PIGL: variants seen among roughly 807,000 people sequenced by gnomAD.
PIGL encodes the protein N-acetylglucosaminyl-phosphatidylinositol de-N-acetylase.
In PIGL, 22 loss-of-function variants were observed where a neutral mutation model predicts 31.1. The ratio of observed to expected loss-of-function variants is 0.71; its 90% confidence interval spans 0.51 to 1.01. PIGL has a LOEUF of 1.01. Ranked by LOEUF, PIGL falls within the 50% of genes least tolerant of loss-of-function variation. The probability of loss-of-function intolerance (pLI) is 0.00; values close to 1 mark genes in which losing one functional copy is unlikely to be tolerated. For missense variants in PIGL, 302 were observed against 315.9 expected (o/e 0.96, Z 0.33); for synonymous variants, 131 against 117.4 (o/e 1.12, Z -0.75).
chr17:16,315,532 T>C (rs3785621), intron 4 of PIGL, among the ~76,000 whole-genome samples: 82,237 of 151,452 alleles, frequency 0.54, 22,806 homozygotes, highest in African/African-American at 0.62. Flanking sequence ...GCACAGCTTC[T>C]CCTGTGGCTT....
At chr17:16,248,925 G>T (rs1749728837) in intron 2 of PIGL, among the ~76,000 whole-genome samples, 2 of 152,144 alleles carry the variant, frequency 1.3e-5, no homozygotes, top group South Asian at 4.1e-4. Context: ...AGGGTCCTCA[G>T]CCTGACTTGC....
intron 2 of PIGL, among the ~76,000 whole-genome samples, chr17:16,255,802 G>A (rs1007926790): frequency 1.1e-4 from 16 of 152,230 alleles, no homozygotes; most frequent in Non-Finnish European, 2.2e-4. Flanking sequence ...CACAGTTCCA[G>A]TCCCTGTTGG....
At chr17:16,251,242 A>G (rs1053619174) in intron 2 of PIGL, among the ~76,000 whole-genome samples, 2 of 152,096 alleles carry the variant, frequency 1.3e-5, no homozygotes, top group Non-Finnish European at 2.9e-5. Context: ...CCTGGGCAAC[A>G]TAGTGAGACC....
At chr17:16,290,548 T>C (rs1276176594) in intron 2 of PIGL, among the ~76,000 whole-genome samples, 3 of 151,938 alleles carry the variant, frequency 2.0e-5, no homozygotes, top group Non-Finnish European at 4.4e-5. Flanking sequence ...TGCATGCCAC[T>C]GACCTGGCTA....
chr17:16,285,708 A>AT (rs1170566385), intron 2 of PIGL, among the ~76,000 whole-genome samples: 4 of 152,154 alleles, frequency 2.6e-5, no homozygotes, highest in Non-Finnish European at 4.4e-5. Flanking sequence ...ATACTTAATA[A>AT]AAGTGCACTG....
At chr17:16,253,912 C>G (rs1340384371) in intron 2 of PIGL, among the ~76,000 whole-genome samples, 1 of 151,970 alleles carries the variant, frequency 6.6e-6, no homozygotes, top group East Asian at 1.9e-4. Context: ...CACTGTACTC[C>G]CACTTAGGTG....
At chr17:16,283,204 T>C (rs1457519847) in intron 2 of PIGL, among the ~76,000 whole-genome samples, 1 of 152,084 alleles carries the variant, frequency 6.6e-6, no homozygotes, top group African/African-American at 2.4e-5. Flanking sequence ...GATTTCACCA[T>C]GTTGGCCAGG....
At chr17:16,311,361 C>T (rs1344097067) in intron 3 of PIGL, among the ~76,000 whole-genome samples, 1 of 147,382 alleles carries the variant, frequency 6.8e-6, no homozygotes, top group African/African-American at 2.5e-5. Context: ...GTGTGAAGTA[C>T]AATTATGATT....
chr17:16,252,447 A>T (rs1455985594), intron 2 of PIGL, among the ~76,000 whole-genome samples: 1 of 152,082 alleles, frequency 6.6e-6, no homozygotes, highest in African/African-American at 2.4e-5. Context: ...GATAGATACC[A>T]AACTCTTTAA....
intron 2 of PIGL, among the ~76,000 whole-genome samples, chr17:16,299,013 C>T (rs1349339124): frequency 1.4e-5 from 2 of 147,626 alleles, no homozygotes; most frequent in African/African-American, 5.0e-5. Context: ...GGTGACAGAG[C>T]GAGACTCTGA....
At chr17:16,232,846 G>A (rs573689240) in intron 1 of PIGL, among the ~76,000 whole-genome samples, 14 of 151,944 alleles carry the variant, frequency 9.2e-5, no homozygotes, top group Non-Finnish European at 1.8e-4. Context: ...TTTGCTGGGC[G>A]CAGTGGCTCA....
At chr17:16,224,017 C>T (rs1439959759) in intron 1 of PIGL, among the ~76,000 whole-genome samples, 2 of 152,008 alleles carry the variant, frequency 1.3e-5, no homozygotes, top group Non-Finnish European at 1.5e-5. Flanking sequence ...GAGAGCAGGA[C>T]CATCTTGGCC....
intron 2 of PIGL, among the ~76,000 whole-genome samples, chr17:16,264,206 T>TTTCCC (rs78088594): frequency 2.7e-5 from 4 of 150,854 alleles, no homozygotes; most frequent in African/African-American, 7.3e-5. Context: ...AGAGATGGGG[T>TTTCCC]CATGTTGGCC....
chr17:16,245,977 G>A (rs1278651489), intron 2 of PIGL, among the ~76,000 whole-genome samples: 1 of 148,696 alleles, frequency 6.7e-6, no homozygotes, highest in Non-Finnish European at 1.5e-5. Context: ...CCGCCACCTT[G>A]ACCAGCTATT....
At chr17:16,325,565 G>A (rs1384257922) in intron 6 of PIGL, among the ~76,000 whole-genome samples, 1 of 152,132 alleles carries the variant, frequency 6.6e-6, no homozygotes, top group Non-Finnish European at 1.5e-5. Flanking sequence ...GGTGAGTGCT[G>A]TAGCTACGGT....
Position 16,252,868 on chromosome 17 carries a change from C to T in PIGL, c.335+18798C>T, listed in dbSNP as rs2092778574. 2.0e-5 allele frequency among the ~76,000 whole-genome samples: 3 copies of T among 152,124 alleles called. No homozygotes were observed. The South Asian group carries it at 6.2e-4, about 32-fold the overall frequency. On this transcript the variant is annotated intron_variant, in intron 2 of 6. Transcript: ENST00000225609. Reference sequence around the variant, plus strand: ...GGGGAGTAACCCAGGGACACCACTCCTAAGTGCTTAGACTAGAAATGGTGG... The same window carrying T: ...GGGGAGTAACCCAGGGACACCACTCTTAAGTGCTTAGACTAGAAATGGTGG...
chr17:16,270,521 GA>G (rs1042177131), intron 2 of PIGL, among the ~76,000 whole-genome samples: 109 of 151,912 alleles, frequency 7.2e-4, no homozygotes, highest in African/African-American at 2.5e-3. Flanking sequence ...TAGAACCTGA[GA>G]AAAAATTATG....
At chr17:16,250,946 T>C (rs890273253) in intron 2 of PIGL, among the ~76,000 whole-genome samples, 2 of 152,220 alleles carry the variant, frequency 1.3e-5, no homozygotes, top group Non-Finnish European at 2.9e-5. Context: ...ATTCTTAGAC[T>C]AACTGCACAA....
At chr17:16,290,367 C>A (rs1600829173) in intron 2 of PIGL, among the ~76,000 whole-genome samples, 1 of 151,714 alleles carries the variant, frequency 6.6e-6, no homozygotes, top group African/African-American at 2.4e-5. Context: ...CCTCCCCTCC[C>A]CTCATCTCCC....
Sources: allele counts gnomAD v4.1 joint callset (sites outside exome capture counted in the v4.1 genomes callset), GRCh38; gene constraint gnomAD v4.1.1; transcripts MANE v1.5; gene names NCBI Gene and HGNC (gene_info 2026-07-23, HGNC 2026-07-21).